Variants in RHOBTB3 observed in about 807,000 individuals in gnomAD.
RHOBTB3 encodes rho-related BTB domain-containing protein 3.
Under a neutral mutation model 67.2 loss-of-function variants are expected in RHOBTB3, and 47 were observed. That is an observed-to-expected ratio of 0.70 (90% CI 0.55 to 0.89). The LOEUF is 0.89. Among genes scored for constraint, RHOBTB3 ranks in the 40% least tolerant of loss-of-function variants. The probability of loss-of-function intolerance (pLI) is 0.00; values close to 1 mark genes in which losing one functional copy is unlikely to be tolerated. For synonymous variants in RHOBTB3, 273 were observed against 274.2 expected (o/e 1.00, Z 0.04); for missense variants, 631 against 750.0 (o/e 0.84, Z 1.85).
chr5:95,774,188 GA>G (rs75092401), intron 8 of RHOBTB3, among the ~76,000 whole-genome samples: 4,193 of 152,170 alleles, frequency 0.028, 106 homozygotes, highest in South Asian at 0.1. Flanking sequence ...ATGATGATTA[GA>G]AAAATGTTGT....
At chr5:95,779,614 C>G (rs182860313) in intron 8 of RHOBTB3, among the ~76,000 whole-genome samples, 1 of 152,192 alleles carries the variant, frequency 6.6e-6, no homozygotes, top group Non-Finnish European at 1.5e-5. Flanking sequence ...CTGGCTCTCC[C>G]AGCAGCAGGC....
Position 95,793,651 on chromosome 5 carries a change from G to A in RHOBTB3, c.*477G>A, listed in dbSNP as rs957510943. ...GAGATTTTAGGAATAGAAATTTGCCGGCCATTTGGAAAGTGAAATGCCACT... is the reference window on the plus strand; with the variant it reads ...GAGATTTTAGGAATAGAAATTTGCCAGCCATTTGGAAAGTGAAATGCCACT... On this transcript the variant is annotated 3_prime_UTR_variant, in exon 12 of 12. Coordinates refer to ENST00000379982, the MANE Select transcript of RHOBTB3 (RefSeq NM_014899.4). The A allele has an allele frequency of 5.5e-5, 10 of 182,894 alleles. No individual in the cohort carries two copies. The highest frequency in any genetic ancestry group is 2.1e-4 in the South Asian group (2 of 9,600). 11.3% of individuals were successfully genotyped at this position (182,894 alleles called of 1,614,324 possible).
intron 10 of RHOBTB3, among the ~76,000 whole-genome samples, chr5:95,787,474 C>A (rs113691055): frequency 0.025 from 3,697 of 150,576 alleles, 168 homozygotes; most frequent in African/African-American, 0.084. Flanking sequence ...AAAAGCATAT[C>A]CTTGAGTTTT....
chr5:95,747,438 A>G (rs1358340123), intron 3 of RHOBTB3, among the ~76,000 whole-genome samples: 1 of 152,168 alleles, frequency 6.6e-6, no homozygotes, highest in African/African-American at 2.4e-5. Context: ...CCAATCTACA[A>G]CAACATGCAT....
chr5:95,763,757 C>A, intron 7 of RHOBTB3, 137 bp downstream of exon 7: 1 of 566,722 alleles, frequency 1.8e-6, no homozygotes, highest in Non-Finnish European at 3.2e-6. Flanking sequence ...TATATTTTAC[C>A]ATTTAAATAT....
At chr5:95,782,557 C>T (rs1010074490) in intron 9 of RHOBTB3, 2 of 152,178 alleles carry the variant, frequency 1.3e-5, no homozygotes, top group African/African-American at 4.8e-5. Context: ...GCCTGTAATC[C>T]CAGCACTTTG....
intron 8 of RHOBTB3, among the ~76,000 whole-genome samples, chr5:95,772,435 C>T (rs1023081949): frequency 4.6e-5 from 7 of 152,108 alleles, no homozygotes; most frequent in East Asian, 1.9e-4. Flanking sequence ...ACAGCATACT[C>T]GATTAGGTAT....
In RHOBTB3 at chr5:95,731,994, G is replaced by C; in HGVS notation, c.138G>C (p.Ala46=). ...ACGAGAGCAGCTTGTTGCTGAACGC[G>C]GCCAGCACGGTCGCGCGTCCGGTGT... The part of the protein sequence containing the change: ...SGDESSLLLN[A]ASTVARPVFT... The change falls in exon 2 of 12, where the codon GCG becomes GCC. Residue 46 remains alanine, a synonymous_variant. Transcript: ENST00000379982. 6.2e-7 allele frequency: 1 copy of C among 1,614,172 alleles called. No individual in the cohort carries two copies.
At chr5:95,775,264 G>A (rs574554442) in intron 8 of RHOBTB3, among the ~76,000 whole-genome samples, 35 of 151,732 alleles carry the variant, frequency 2.3e-4, no homozygotes, top group Middle Eastern at 3.2e-3. Context: ...TAAAATCCAC[G>A]ATTTTTTGAG....
At chr5:95,761,710 C>T (rs1745400600) in intron 6 of RHOBTB3, among the ~76,000 whole-genome samples, 1 of 152,088 alleles carries the variant, frequency 6.6e-6, no homozygotes. Flanking sequence ...GAGATGAGAC[C>T]TCCTCTCATG....
intron 3 of RHOBTB3, among the ~76,000 whole-genome samples, chr5:95,742,801 A>G (rs1252711994): frequency 6.6e-6 from 1 of 152,232 alleles, no homozygotes; most frequent in Non-Finnish European, 1.5e-5. Flanking sequence ...GACCAGGCGC[A>G]GTGGCTCATG....
chr5:95,776,432 AAAAT>A (rs1471615802), intron 8 of RHOBTB3, among the ~76,000 whole-genome samples: 3 of 151,980 alleles, frequency 2.0e-5, no homozygotes, highest in Admixed American at 6.5e-5. Context: ...AAAAAATAAA[AAAAT>A]AAATTTAAAA....
intron 2 of RHOBTB3, 31 bp downstream of exon 2, chr5:95,732,115 C>T (rs1755292377): frequency 6.3e-7 from 1 of 1,595,392 alleles, no homozygotes; most frequent in Non-Finnish European, 8.6e-7. Flanking sequence ...CGCGCTGAGG[C>T]TGAAGAAGCT....
intron 3 of RHOBTB3, among the ~76,000 whole-genome samples, chr5:95,738,247 A>G (rs953919522): frequency 6.6e-6 from 1 of 152,146 alleles, no homozygotes; most frequent in Non-Finnish European, 1.5e-5. Context: ...TATCCCCTCT[A>G]CTTCCCTATC....
At chr5:95,731,256 C>T, upstream of RHOBTB3, 2 of 1,006,162 alleles carry the variant, frequency 2.0e-6, no homozygotes, top group Middle Eastern at 4.9e-4. Flanking sequence ...CGTGCTGCGC[C>T]CGGTCCGCTG....
chr5:95,758,131 CAT>C (rs957664286), intron 6 of RHOBTB3, among the ~76,000 whole-genome samples: 1 of 152,166 alleles, frequency 6.6e-6, no homozygotes, highest in African/African-American at 2.4e-5. Context: ...TCCTTTTTAA[CAT>C]AGTAGCAGTA....
At chr5:95,724,721 C>T (rs1431383738) in intron 1 of RHOBTB3, among the ~76,000 whole-genome samples, 1 of 152,150 alleles carries the variant, frequency 6.6e-6, no homozygotes, top group Non-Finnish European at 1.5e-5. Flanking sequence ...AAGTTTCTTG[C>T]CTCTTTTTTC....
chr5:95,769,633 A>G (rs1463713126), intron 8 of RHOBTB3: 3 of 164,588 alleles, frequency 1.8e-5, no homozygotes, highest in Non-Finnish European at 2.6e-5. Context: ...CACCAGATCT[A>G]ATTTTTGTGT....
At chr5:95,774,717 A>G (rs1405304078) in intron 8 of RHOBTB3, among the ~76,000 whole-genome samples, 2 of 152,140 alleles carry the variant, frequency 1.3e-5, no homozygotes, top group African/African-American at 4.8e-5. Flanking sequence ...GCTTGTTTTC[A>G]TACAAACAAA....
Sources: gnomAD v4.1 joint callset for allele counts (sites outside exome capture counted in the v4.1 genomes callset) on GRCh38, gnomAD v4.1.1 for gene constraint, MANE v1.5 for transcripts, NCBI Gene and HGNC (gene_info 2026-07-23, HGNC 2026-07-21) for gene names.